Variants in TAS1R3 observed in about 807,000 individuals in gnomAD.
The protein encoded by TAS1R3 is taste receptor type 1 member 3.
Under a neutral mutation model 46.1 loss-of-function variants are expected in TAS1R3, and 58 were observed. The observed-to-expected ratio is 1.26, with a 90% CI of 1.02 to 1.57. The LOEUF (loss-of-function observed/expected upper bound fraction) is 1.57, where lower values mean the gene tolerates loss of function less well. Ranked by LOEUF, TAS1R3 falls within the 40% of genes most tolerant of loss-of-function variation. The probability of loss-of-function intolerance (pLI) is 0.00; values close to 1 mark genes in which losing one functional copy is unlikely to be tolerated. For synonymous variants in TAS1R3, 724 were observed against 544.7 expected (o/e 1.33, Z -4.58); for missense variants, 1,422 against 1,185.8 (o/e 1.20, Z -2.93).
rs749796719 is a variant in TAS1R3 at position 1,333,301 on chromosome 1, G to T, written c.1522G>T (p.Val508Leu). The part of the protein sequence containing the change: ...RCSRQCQEGQ[V>L]RRVKGFHSCC... ...CTCGCGGCAGTGCCAGGAGGGCCAG[G>T]TGCGCCGGGTCAAGGGGTTCCACTC... is the stretch of plus-strand genomic sequence containing the variant. The change falls in exon 5 of 6, where the codon GTG becomes TTG. Residue 508 changes from valine (V) to leucine (L), a missense_variant. Val to Leu is a conservative substitution (Grantham distance 32, BLOSUM62 1). Coordinates refer to ENST00000339381, the MANE Select transcript of TAS1R3 (RefSeq NM_152228.3). 36 of 1,598,986 alleles carry T rather than the reference G, an allele frequency of 2.3e-5. 1 individual carries two copies. In the Admixed American group the frequency reaches 5.4e-4, roughly 24 times the overall value.
Position 1,332,560 on chromosome 1 carries a change from C to T in TAS1R3, c.1029C>T (p.Ala343=), listed in dbSNP as rs778181998. The T allele has an allele frequency of 8.7e-6, 14 of 1,611,752 alleles. No individual in the cohort carries two copies. In the South Asian group the frequency reaches 1.5e-4, roughly 18 times the overall value. Residue 343 remains alanine (A), a synonymous_variant, in exon 3 of 6, where the codon GCC becomes GCT. Coordinates refer to ENST00000339381, the MANE Select transcript of TAS1R3 (RefSeq NM_152228.3). ...CCCAGTACGTGAAGACGCACCTGGC[C>T]CTGGCCACCGACCCGGCCTTCTGCT... ...EFPQYVKTHL[A]LATDPAFCSA...
intron 2 of TAS1R3, 36 bp from the exon 3 acceptor site, chr1:1,331,988 G>T (rs761552017): frequency 1.9e-6 from 3 of 1,609,386 alleles, no homozygotes; most frequent in South Asian, 2.2e-5. Flanking sequence ...GCCCGTGGGA[G>T]CCCCTGTGTC....
rs775071173 is a variant in TAS1R3 at position 1,332,099 on chromosome 1, G to T, written c.568G>T (p.Asp190Tyr). Reference protein sequence around the residue: ...FPSFFRTVPSDRVQLTAAAEL... With the variant: ...FPSFFRTVPSYRVQLTAAAEL... Reference sequence around the variant, plus strand: ...CTCCTTCTTCCGCACCGTGCCCAGCGACCGTGTGCAGCTGACGGCCGCCGC... The same window carrying T: ...CTCCTTCTTCCGCACCGTGCCCAGCTACCGTGTGCAGCTGACGGCCGCCGC... Residue 190 changes from aspartate (D) to tyrosine (Y), a missense_variant, in exon 3 of 6, where the codon GAC (aspartate) becomes TAC (tyrosine). Coordinates refer to ENST00000339381, the MANE Select transcript of TAS1R3 (RefSeq NM_152228.3). 9 of 1,600,794 alleles carry T rather than the reference G, an allele frequency of 5.6e-6. No individual in the cohort carries two copies. Among genetic ancestry groups the T allele is most frequent in the Admixed American group, 3.3e-5 (2 of 59,998 alleles).
In TAS1R3 at chr1:1,332,498, G is replaced by C; in HGVS notation, c.967G>C (p.Gly323Arg). The C allele has an allele frequency of 6.2e-7, 1 of 1,610,900 alleles. No homozygotes were observed. The highest frequency in any genetic ancestry group is 1.1e-5 in the South Asian group (1 of 91,080). ...CATGGCCCAGATGGGCACGGTGCTT[G>C]GCTTCCTCCAGAGGGGTGCCCAGCT... ...PGMAQMGTVL[G>R]FLQRGAQLHE... The change falls in exon 3 of 6, where the codon GGC becomes CGC. Residue 323 changes from glycine to arginine, a missense_variant. Physicochemically the swap from Gly to Arg is moderately radical, Grantham distance 125 (BLOSUM62 -2). Coordinates refer to ENST00000339381, the MANE Select transcript of TAS1R3 (RefSeq NM_152228.3).
At position 1,333,807 on chromosome 1, in the gene TAS1R3, G is replaced by C; in HGVS notation, c.1902G>C (p.Leu634=). Residue 634 remains leucine (L), a synonymous_variant, in exon 6 of 6, where the codon CTG becomes CTC. Transcript: ENST00000339381. ...GCCAGCCCAGCCCTGCCCGATGCCT[G>C]GCCCAGCAGCCCTTGTCCCACCTCC... ...FPGQPSPARC[L]AQQPLSHLPL... is the part of the protein sequence containing the mutation. 1 of 1,597,030 alleles carries C rather than the reference G, an allele frequency of 6.3e-7. No homozygotes were observed. The highest frequency in any genetic ancestry group is 1.1e-5 in the South Asian group (1 of 90,250).
chr1:1,332,698 G>T lies in TAS1R3; in HGVS notation c.1167G>T (p.Gln389His). 1.2e-6 allele frequency: 2 copies of T among 1,604,420 alleles called. No individual in the cohort carries two copies. Among genetic ancestry groups the T allele is most frequent in the East Asian group, 2.2e-5 (1 of 44,866 alleles). Residue 389 changes from glutamine (Q) to histidine (H), a missense_variant, in exon 3 of 6, where the codon CAG becomes CAT. Physicochemically the swap from Gln to His is conservative, Grantham distance 24 (BLOSUM62 0). Transcript: ENST00000339381. ...TGAGCGCAGGGCTAAATCACCACCA[G>T]ACGTTCTCTGTCTACGCAGCTGTGT... ...QNVSAGLNHH[Q>H]TFSVYAAVYS...
At position 1,332,253 on chromosome 1, in the gene TAS1R3, G is replaced by C. The variant is rs1207298980; in HGVS notation, c.722G>C (p.Gly241Ala). ...AARGICIAHEGLVPLPRADDS... is the reference protein window; with the variant it reads ...AARGICIAHEALVPLPRADDS... ...CGCGGCATCTGCATCGCGCACGAGG[G>C]CCTGGTGCCGCTGCCCCGTGCCGAT... is the stretch of plus-strand genomic sequence containing the variant. The change falls in exon 3 of 6, where the codon GGC becomes GCC. Residue 241 changes from glycine (G) to alanine (A), a missense_variant. Coordinates refer to ENST00000339381, the MANE Select transcript of TAS1R3 (RefSeq NM_152228.3). 6.3e-7 allele frequency: 1 copy of C among 1,597,194 alleles called. No homozygotes were observed. The highest frequency in any genetic ancestry group is 2.2e-5 in the East Asian group (1 of 44,590).
At position 1,333,766 on chromosome 1, in the gene TAS1R3, G is replaced by A. The variant is rs576045705; in HGVS notation, c.1861G>A (p.Val621Ile). ...GTGCCTGGGCCTGGTCTGCCTCAGCGTCCTCCTGTTCCCTGGCCAGCCCAG... is the reference window on the plus strand; with the variant it reads ...GTGCCTGGGCCTGGTCTGCCTCAGCATCCTCCTGTTCCCTGGCCAGCCCAG... Reference protein sequence around the residue: ...LVCLGLVCLSVLLFPGQPSPA... With the variant: ...LVCLGLVCLSILLFPGQPSPA... Residue 621 changes from valine (V) to isoleucine (I), a missense_variant, in exon 6 of 6, where the codon GTC (valine) becomes ATC (isoleucine). Coordinates refer to ENST00000339381, the MANE Select transcript of TAS1R3 (RefSeq NM_152228.3). The A allele has an allele frequency of 3.3e-5, 53 of 1,596,082 alleles. No homozygotes were observed. In the East Asian group the frequency reaches 7.0e-4, roughly 21 times the overall value.
At position 1,334,535 on chromosome 1, in the gene TAS1R3, G is replaced by C; in HGVS notation, c.*71G>C. 1 of 1,422,274 alleles carries C rather than the reference G, an allele frequency of 7.0e-7. No homozygotes were observed. The highest frequency in any genetic ancestry group is 9.2e-7 in the Non-Finnish European group (1 of 1,081,406). The allele number at this position is 1,422,274 out of a possible 1,614,324, so 88.1% of individuals were successfully genotyped here. ...ATCCCCCCCAAGCCAGCAATGACCC[G>C]TGTCTCGCTACAGAGACCCTCCCGC... On this transcript the variant is annotated 3_prime_UTR_variant, in exon 6 of 6. Transcript: ENST00000339381.
Position 1,331,427 on chromosome 1 carries a change from C to T in TAS1R3, c.82C>T (p.Gln28Ter). ...GGGGGCCCCATTGTGCCTGTCACAG[C>T]AACTTAGGATGAAGGGGGACTACGT... Reference protein sequence around the residue: ...GTGAPLCLSQQLRMKGDYVLG... With the variant: ...GTGAPLCLSQ The change falls in exon 1 of 6, where the codon CAA becomes TAA. Residue 28 changes from glutamine (Q) to a stop codon, truncating the protein, a stop_gained. Coordinates refer to ENST00000339381, the MANE Select transcript of TAS1R3 (RefSeq NM_152228.3). LOFTEE classifies it high-confidence loss of function. 1 of 1,604,228 alleles carries T rather than the reference C, an allele frequency of 6.2e-7. No homozygotes were observed. The highest frequency in any genetic ancestry group is 1.1e-5 in the South Asian group (1 of 90,084).
In TAS1R3 at chr1:1,333,241, C is replaced by T. The variant is rs780752240; in HGVS notation, c.1480-18C>T. The T allele has an allele frequency of 1.3e-6, 2 of 1,598,282 alleles. No homozygotes were observed. The highest frequency in any genetic ancestry group is 1.7e-6 in the Non-Finnish European group (2 of 1,175,532). On this transcript the variant is annotated intron_variant, in intron 4 of 5. Transcript: ENST00000339381. ...GCATGCCCAGCCGAGCAGAGCCAGA[C>T]CCCAGGCCTGTGCGCAGAAGCCCGT...
rs775925398 is a variant in TAS1R3, at chr1:1,334,057, G to A, written c.2152G>A (p.Ala718Thr). 3 of 1,600,778 alleles carry A rather than the reference G, an allele frequency of 1.9e-6. No homozygotes were observed. Among genetic ancestry groups the A allele is most frequent in the East Asian group, 2.2e-5 (1 of 44,682 alleles). The change falls in exon 6 of 6, where the codon GCG (alanine) becomes ACG (threonine). Residue 718 changes from alanine (A) to threonine (T), a missense_variant. Physicochemically the swap from Ala to Thr is moderately conservative, Grantham distance 58. Transcript: ENST00000339381. Reference protein sequence around the residue: ...VTDWHMLPTEALVHCRTRSWV... With the variant: ...VTDWHMLPTETLVHCRTRSWV... ...GGACTGGCACATGCTGCCCACGGAG[G>A]CGCTGGTGCACTGCCGCACACGCTC... is the stretch of plus-strand genomic sequence containing the variant.
chr1:1,332,798 C>A lies in TAS1R3; in HGVS notation c.1267C>A (p.Pro423Thr). The change falls in exon 3 of 6, where the codon CCC becomes ACC. Residue 423 changes from proline to threonine, a missense_variant. Pro to Thr is a conservative substitution (Grantham distance 38). Transcript: ENST00000339381. Reference sequence around the variant, plus strand: ...CTGCCCCGCGCAGGACCCCGTGAAGCCCTGGCAGGTGAGCCCGGGAGATGG... The same window carrying A: ...CTGCCCCGCGCAGGACCCCGTGAAGACCTGGCAGGTGAGCCCGGGAGATGG... ...SGCPAQDPVK[P>T]WQLLENMYNL... The A allele has an allele frequency of 6.2e-7, 1 of 1,603,776 alleles. No homozygotes were observed.
Position 1,331,454 on chromosome 1 carries a change from C to T in TAS1R3, c.109C>T (p.Leu37=), listed in dbSNP as rs1290859990. 1 of 1,605,124 alleles carries T rather than the reference C, an allele frequency of 6.2e-7. No individual in the cohort carries two copies. The highest frequency in any genetic ancestry group is 8.5e-7 in the Non-Finnish European group (1 of 1,177,396). The change falls in exon 1 of 6, where the codon CTG becomes TTG. Residue 37 remains leucine, a synonymous_variant. Transcript: ENST00000339381. ...ACTTAGGATGAAGGGGGACTACGTG[C>T]TGGGGGGGCTGTTCCCCCTGGGCGA... ...QQLRMKGDYV[L]GGLFPLGEAE...
In TAS1R3 at chr1:1,332,761, C is replaced by T; in HGVS notation, c.1230C>T (p.Cys410=). ...AGGCCCTGCACAACACTCTTCAGTG[C>T]AACGCCTCAGGCTGCCCCGCGCAGG... ...VAQALHNTLQ[C]NASGCPAQDP... is the part of the protein sequence containing the mutation. The change falls in exon 3 of 6, where the codon TGC becomes TGT. Residue 410 remains cysteine (C), a synonymous_variant. Transcript: ENST00000339381. The T allele has an allele frequency of 1.2e-6, 2 of 1,605,926 alleles. No individual in the cohort carries two copies. Among genetic ancestry groups the T allele is most frequent in the Non-Finnish European group, 1.7e-6 (2 of 1,179,744 alleles).
In TAS1R3 at chr1:1,332,143, C is replaced by A; in HGVS notation, c.612C>A (p.Phe204Leu). 1 of 1,598,924 alleles carries A rather than the reference C, an allele frequency of 6.3e-7. No homozygotes were observed. The highest frequency in any genetic ancestry group is 1.1e-5 in the South Asian group (1 of 90,990). Reference protein sequence around the residue: ...LTAAAELLQEFGWNWVAALGS... With the variant: ...LTAAAELLQELGWNWVAALGS... ...CCGCCGCGGAGCTGCTGCAGGAGTT[C>A]GGCTGGAACTGGGTGGCCGCCCTGG... Residue 204 changes from phenylalanine (F) to leucine (L), a missense_variant, in exon 3 of 6, where the codon TTC (phenylalanine) becomes TTA (leucine). Coordinates refer to ENST00000339381, the MANE Select transcript of TAS1R3 (RefSeq NM_152228.3).
At position 1,332,352 on chromosome 1, in the gene TAS1R3, T is replaced by A. The variant is rs1643448430; in HGVS notation, c.821T>A (p.Phe274Tyr). ...NQSSVQVVLL[F>Y]ASVHAAHALF... is the part of the protein sequence containing the mutation. The stretch of plus-strand genomic sequence containing the variant: ...AGCAGCGTGCAGGTGGTGCTGCTGT[T>A]CGCCTCCGTGCACGCCGCCCACGCC... The change falls in exon 3 of 6, where the codon TTC (phenylalanine) becomes TAC (tyrosine). Residue 274 changes from phenylalanine to tyrosine, a missense_variant. Coordinates refer to ENST00000339381, the MANE Select transcript of TAS1R3 (RefSeq NM_152228.3). 1 of 1,603,800 alleles carries A rather than the reference T, an allele frequency of 6.2e-7. No individual in the cohort carries two copies. Among genetic ancestry groups the A allele is most frequent in the Non-Finnish European group, 8.5e-7 (1 of 1,176,742 alleles).
Position 1,333,960 on chromosome 1 carries a change from G to T in TAS1R3, c.2055G>T (p.Val685=), listed in dbSNP as rs768701874. ...CLRGPWAWLV[V]LLAMLVEVAL... ...GGGGGCCCTGGGCCTGGCTGGTGGT[G>T]CTGCTGGCCATGCTGGTGGAGGTCG... The change falls in exon 6 of 6, where the codon GTG becomes GTT. Residue 685 remains valine, a synonymous_variant. Coordinates refer to ENST00000339381, the MANE Select transcript of TAS1R3 (RefSeq NM_152228.3). 2.5e-6 allele frequency: 4 copies of T among 1,600,714 alleles called. No homozygotes were observed. Among genetic ancestry groups the T allele is most frequent in the Non-Finnish European group, 2.5e-6 (3 of 1,179,630 alleles).
Position 1,332,326 on chromosome 1 carries a change from G to A in TAS1R3, c.795G>A (p.Gln265=), listed in dbSNP as rs140149983. The change falls in exon 3 of 6, where the codon CAG becomes CAA. Residue 265 remains glutamine (Q), a synonymous_variant. Coordinates refer to ENST00000339381, the MANE Select transcript of TAS1R3 (RefSeq NM_152228.3). ...KVQDVLHQVN[Q]SSVQVVLLFA... is the part of the protein sequence containing the mutation. ...AGGACGTCCTGCACCAGGTGAACCA[G>A]AGCAGCGTGCAGGTGGTGCTGCTGT... is the stretch of plus-strand genomic sequence containing the variant. 4 of 1,605,518 alleles carry A rather than the reference G, an allele frequency of 2.5e-6. No individual in the cohort carries two copies. The highest frequency in any genetic ancestry group is 2.2e-5 in the East Asian group (1 of 44,638).
Sources: gnomAD v4.1 joint callset for allele counts on GRCh38, gnomAD v4.1.1 for gene constraint, MANE v1.5 for transcripts, NCBI Gene and HGNC (gene_info 2026-07-23, HGNC 2026-07-21) for gene names.